SOX5: variants seen among roughly 807,000 people sequenced by gnomAD.
SOX5 encodes the protein SRY-box transcription factor 5.
SOX5 carries 9 observed loss-of-function variants against 92.0 expected under a neutral mutation model. That is an observed-to-expected ratio of 0.10 (90% CI 0.06 to 0.17). The LOEUF is 0.17. SOX5 is among the 10% of genes least tolerant of loss of function. The pLI is 1.00. For synonymous variants in SOX5, 344 were observed against 336.3 expected (o/e 1.02, Z -0.25); for missense variants, 642 against 944.5 (o/e 0.68, Z 4.20).
At chr12:23,729,719 A>T (rs1164586418) in intron 6 of SOX5, among the ~76,000 whole-genome samples, 12 of 152,170 alleles carry the variant, frequency 7.9e-5, no homozygotes, top group Non-Finnish European at 2.9e-5. Context: ...TCAAACACTG[A>T]TGCCCTGGTA....
chr12:23,843,306 T>A (rs1016666341), intron 3 of SOX5, among the ~76,000 whole-genome samples: 1 of 152,148 alleles, frequency 6.6e-6, no homozygotes, highest in African/African-American at 2.4e-5. Flanking sequence ...TAAAGAAGTT[T>A]AAATCAACTC....
chr12:24,488,892 C>A (rs544306352), intron 1 of SOX5, among the ~76,000 whole-genome samples: 2 of 152,182 alleles, frequency 1.3e-5, no homozygotes, highest in Non-Finnish European at 2.9e-5. Flanking sequence ...AATTTTAATA[C>A]CTTAGAGATT....
upstream of SOX5, among the ~76,000 whole-genome samples, chr12:23,955,746 T>C (rs1172506335): frequency 7.0e-6 from 1 of 143,792 alleles, no homozygotes; most frequent in East Asian, 2.0e-4. Flanking sequence ...TTCTTTTGAG[T>C]AAAAAAAAAA....
chr12:23,873,484 A>G (rs796187197), intron 2 of SOX5, among the ~76,000 whole-genome samples: 6 of 152,300 alleles, frequency 3.9e-5, no homozygotes, highest in African/African-American at 1.4e-4. Flanking sequence ...AAAGAAAAAG[A>G]AAAGAAATAA....
At chr12:23,572,053 T>C (rs1305542172) in intron 10 of SOX5, among the ~76,000 whole-genome samples, 1 of 152,216 alleles carries the variant, frequency 6.6e-6, no homozygotes, top group Admixed American at 6.5e-5. Context: ...TATTCATACC[T>C]TTTAAGGATC....
At chr12:24,403,653 CTG>C (rs1962256339) in intron 1 of SOX5, among the ~76,000 whole-genome samples, 1 of 152,202 alleles carries the variant, frequency 6.6e-6, no homozygotes, top group Non-Finnish European at 1.5e-5. Context: ...CCCTGCACAC[CTG>C]TGCCAAGCTT....
At chr12:24,369,460 A>G (rs1042603120) in intron 1 of SOX5, among the ~76,000 whole-genome samples, 1 of 152,192 alleles carries the variant, frequency 6.6e-6, no homozygotes, top group African/African-American at 2.4e-5. Context: ...TGGACACCAA[A>G]GGCTCAAGTG....
intron 3 of SOX5, among the ~76,000 whole-genome samples, chr12:24,264,746 G>T (rs886134424): frequency 2.0e-5 from 3 of 152,188 alleles, no homozygotes; most frequent in Admixed American, 6.5e-5. Context: ...ATGCTCATGA[G>T]ATAACTGCTT....
At chr12:24,513,686 A>G (rs965250133) in intron 1 of SOX5, among the ~76,000 whole-genome samples, 1 of 152,194 alleles carries the variant, frequency 6.6e-6, no homozygotes, top group African/African-American at 2.4e-5. Flanking sequence ...ACTGAGTTTG[A>G]TCTGTTTAAA....
intron 2 of SOX5, among the ~76,000 whole-genome samples, chr12:23,848,307 T>C (rs897353122): frequency 6.6e-6 from 1 of 152,240 alleles, no homozygotes; most frequent in African/African-American, 2.4e-5. Context: ...TATCCCATTT[T>C]GCATATCTCT....
intron 3 of SOX5, among the ~76,000 whole-genome samples, chr12:24,224,909 T>C (rs760565739): frequency 3.9e-5 from 6 of 152,200 alleles, no homozygotes; most frequent in Non-Finnish European, 8.8e-5. Context: ...TTCCATTCTC[T>C]TTAGAAACAC....
intron 4 of SOX5, among the ~76,000 whole-genome samples, chr12:24,111,067 A>C (rs1311842014): frequency 1.3e-5 from 2 of 152,098 alleles, no homozygotes; most frequent in African/African-American, 4.8e-5. Context: ...TGTAGGGGGT[A>C]TAGCAGCATC....
chr12:24,208,446 A>G (rs1958248584), intron 4 of SOX5, among the ~76,000 whole-genome samples: 1 of 152,152 alleles, frequency 6.6e-6, no homozygotes, highest in Non-Finnish European at 1.5e-5. Context: ...CCTGTGTTGC[A>G]TCCAAACTCA....
intron 3 of SOX5, among the ~76,000 whole-genome samples, chr12:24,215,646 CTT>C (rs1203247192): frequency 6.6e-6 from 1 of 151,848 alleles, no homozygotes; most frequent in Admixed American, 6.6e-5. Flanking sequence ...GATGAGAAAA[CTT>C]AATATTCTTA....
upstream of SOX5, among the ~76,000 whole-genome samples, chr12:23,952,097 T>G (rs1945732768): frequency 6.6e-6 from 1 of 152,052 alleles, no homozygotes; most frequent in South Asian, 2.1e-4. Context: ...TATTTAAAAT[T>G]TTTTTCCTAA....
chr12:24,406,346 G>T (rs1234421857), intron 1 of SOX5, among the ~76,000 whole-genome samples: 1 of 152,150 alleles, frequency 6.6e-6, no homozygotes, highest in Admixed American at 6.5e-5. Context: ...CATCGGAGGG[G>T]CCATGAAAGT....
intron 4 of SOX5, among the ~76,000 whole-genome samples, chr12:23,973,664 T>C (rs1192073051): frequency 6.6e-6 from 1 of 152,210 alleles, no homozygotes; most frequent in East Asian, 1.9e-4. Context: ...TACCAAATCC[T>C]GTATACCAGG....
intron 11 of SOX5, among the ~76,000 whole-genome samples, chr12:23,549,355 T>C (rs1943741655): frequency 2.0e-5 from 3 of 152,072 alleles, no homozygotes; most frequent in South Asian, 4.2e-4. Context: ...AAAATCATGT[T>C]GGTGATATAG....
intron 4 of SOX5, among the ~76,000 whole-genome samples, chr12:24,063,898 T>C (rs982006293): frequency 2.0e-5 from 3 of 152,198 alleles, no homozygotes; most frequent in Admixed American, 6.5e-5. Flanking sequence ...AAAAAATTCA[T>C]ATAACCTAGG....
Sources: gnomAD v4.1 joint callset for allele counts (sites outside exome capture counted in the v4.1 genomes callset) on GRCh38, gnomAD v4.1.1 for gene constraint, MANE v1.5 for transcripts, NCBI Gene and HGNC (gene_info 2026-07-23, HGNC 2026-07-21) for gene names.